Variants in PRR16 observed in about 807,000 individuals in gnomAD.
PRR16 encodes the protein protein Largen.
PRR16 carries 6 observed loss-of-function variants against 18.2 expected under a neutral mutation model. The observed-to-expected ratio is 0.33, with a 90% CI of 0.18 to 0.65. PRR16 has a LOEUF of 0.65. PRR16 is among the 30% of genes least tolerant of loss of function. The pLI, the probability that PRR16 is intolerant of heterozygous loss-of-function variation, is 0.74. For synonymous variants in PRR16, 151 were observed against 147.8 expected (o/e 1.02, Z -0.16); for missense variants, 412 against 376.6 (o/e 1.09, Z -0.78).
the PRR16 span, chr5:120,781,383 AT>A: frequency 3.9e-5 from 6 of 152,204 alleles, no homozygotes; most frequent in African/African-American, 1.4e-4. Flanking sequence ...GCTACTTTTG[AT>A]GAAAATGGGA....
chr5:120,702,610 T>C, the PRR16 span, among the ~76,000 whole-genome samples: 1 of 152,124 alleles, frequency 6.6e-6, no homozygotes, highest in Non-Finnish European at 1.5e-5. Flanking sequence ...GTGAAATGAT[T>C]AAACACCAAG....
the PRR16 span, among the ~76,000 whole-genome samples, chr5:120,724,153 T>C: frequency 7.2e-5 from 11 of 152,062 alleles, no homozygotes; most frequent in African/African-American, 2.7e-4. Flanking sequence ...ACACTCTTTC[T>C]TAGGTTCTCT....
intron 1 of PRR16, chr5:120,618,412 G>T (rs1738297241): frequency 1.1e-6 from 1 of 918,944 alleles, no homozygotes; most frequent in African/African-American, 1.8e-5. Context: ...TTAGTTTTGA[G>T]ATTATAGTAA....
At chr5:120,483,562 G>A (rs536417960) in intron 1 of PRR16, among the ~76,000 whole-genome samples, 5 of 152,094 alleles carry the variant, frequency 3.3e-5, no homozygotes, top group Non-Finnish European at 2.9e-5. Context: ...GAGACCATAT[G>A]TCAGAGCTAG....
the PRR16 span, among the ~76,000 whole-genome samples, chr5:120,791,683 T>A: frequency 2.6e-5 from 4 of 151,878 alleles, no homozygotes; most frequent in South Asian, 8.3e-4. Flanking sequence ...TACCTATGAG[T>A]AGGTAATCAT....
the PRR16 span, among the ~76,000 whole-genome samples, chr5:120,780,208 T>G: frequency 6.6e-6 from 1 of 152,182 alleles, no homozygotes; most frequent in African/African-American, 2.4e-5. Flanking sequence ...CCAGGCACTG[T>G]ATTTAGAGTT....
intron 1 of PRR16, among the ~76,000 whole-genome samples, chr5:120,568,540 C>CT (rs1752805859): frequency 6.6e-6 from 1 of 152,186 alleles, no homozygotes; most frequent in Admixed American, 6.5e-5. Flanking sequence ...TTCCCTCAAT[C>CT]TCACCACTTT....
At chr5:120,642,658 A>T (rs1374087736) in intron 1 of PRR16, among the ~76,000 whole-genome samples, 1 of 152,116 alleles carries the variant, frequency 6.6e-6, no homozygotes, top group Non-Finnish European at 1.5e-5. Context: ...GAGATTTATC[A>T]TACCACTTTC....
intron 1 of PRR16, among the ~76,000 whole-genome samples, chr5:120,594,435 A>T (rs1301433895): frequency 1.3e-5 from 2 of 151,946 alleles, no homozygotes; most frequent in Non-Finnish European, 2.9e-5. Context: ...ACAATGAAAC[A>T]CTGCTGAAAA....
intron 1 of PRR16, among the ~76,000 whole-genome samples, chr5:120,556,243 T>TC (rs1421149456): frequency 6.7e-6 from 1 of 149,976 alleles, no homozygotes. Flanking sequence ...GTTTTTTTTT[T>TC]TTTTTTTTTG....
At chr5:120,763,140 C>T in the PRR16 span, among the ~76,000 whole-genome samples, 1 of 141,372 alleles carries the variant, frequency 7.1e-6, no homozygotes, top group South Asian at 2.3e-4. Context: ...TCTATGTGTC[C>T]ATTTTAATAG....
At chr5:120,593,428 A>G (rs1422651720) in intron 1 of PRR16, among the ~76,000 whole-genome samples, 1 of 151,976 alleles carries the variant, frequency 6.6e-6, no homozygotes, top group Non-Finnish European at 1.5e-5. Context: ...CTAGACACCT[A>G]ACACCCTCCC....
intron 1 of PRR16, among the ~76,000 whole-genome samples, chr5:120,519,857 AT>A (rs1422672512): frequency 6.6e-6 from 1 of 152,108 alleles, no homozygotes; most frequent in Non-Finnish European, 1.5e-5. Context: ...AAAAAGAATA[AT>A]TTTTATGGGT....
At chr5:120,499,361 T>C (rs1188615970) in intron 1 of PRR16, among the ~76,000 whole-genome samples, 11 of 152,002 alleles carry the variant, frequency 7.2e-5, no homozygotes, top group Non-Finnish European at 1.2e-4. Context: ...CTTTCTCAAC[T>C]CTCCTAGAAC....
chr5:120,607,658 G>A (rs2112799726), intron 1 of PRR16, among the ~76,000 whole-genome samples: 1 of 152,028 alleles, frequency 6.6e-6, no homozygotes, highest in Admixed American at 6.5e-5. Flanking sequence ...TCCTACCAGA[G>A]CTTCTCCACT....
chr5:120,668,901 T>G (rs1756492554), intron 1 of PRR16, among the ~76,000 whole-genome samples: 1 of 152,136 alleles, frequency 6.6e-6, no homozygotes, highest in South Asian at 2.1e-4. Context: ...TTTCCTTCAT[T>G]TCAACTGATG....
the PRR16 span, among the ~76,000 whole-genome samples, chr5:120,749,198 T>A: frequency 6.6e-6 from 1 of 152,068 alleles, no homozygotes. Context: ...AAAGGTATGA[T>A]TTGAAAATTT....
the PRR16 span, chr5:120,790,669 C>G: frequency 6.6e-6 from 1 of 152,142 alleles, no homozygotes. Context: ...TCAGTTCTTA[C>G]TGATTACTTC....
chr5:120,766,711 T>G, the PRR16 span, among the ~76,000 whole-genome samples: 54 of 152,082 alleles, frequency 3.6e-4, no homozygotes, highest in African/African-American at 1.3e-3. Context: ...CAGCTAATTA[T>G]AGAGTTGGGT....
Sources: allele counts gnomAD v4.1 joint callset (sites outside exome capture counted in the v4.1 genomes callset), GRCh38; gene constraint gnomAD v4.1.1; transcripts MANE v1.5; gene names NCBI Gene and HGNC (gene_info 2026-07-23, HGNC 2026-07-21).